Variants in BCKDHB observed in about 807,000 individuals in gnomAD.
BCKDHB encodes the protein branched chain keto acid dehydrogenase E1 subunit beta.
A neutral mutation model predicts 48.5 loss-of-function variants in BCKDHB; 41 were observed. The ratio of observed to expected loss-of-function variants is 0.85; its 90% CI spans 0.66 to 1.10. BCKDHB has a LOEUF of 1.10. BCKDHB is among the 50% of genes least tolerant of loss of function. The pLI is 0.00. For missense variants in BCKDHB, 496 were observed against 494.2 expected, an observed-to-expected ratio of 1.00 and a Z score of -0.03; for synonymous variants, 201 against 174.8, an observed-to-expected ratio of 1.15 and a Z score of -1.18.
chr6:80,232,543 T>C (rs1775971069), intron 8 of BCKDHB, among the ~76,000 whole-genome samples: 1 of 151,430 alleles, frequency 6.6e-6, no homozygotes, highest in East Asian at 1.9e-4. Context: ...TACATGTTTA[T>C]ATTCTCTCTA....
At chr6:80,383,135 C>A in the BCKDHB span, among the ~76,000 whole-genome samples, 44 of 152,126 alleles carry the variant, frequency 2.9e-4, no homozygotes, top group Admixed American at 2.9e-3. Context: ...AATGTAAAGG[C>A]AAGTTTTAGC....
At position 80,140,532 on chromosome 6, in the gene BCKDHB, A is replaced by G. The variant is rs952482712; in HGVS notation, c.343+11303A>G. ...GCATGAAGGGTTGTTGAATTTTGTCAAAGGCCTTTTCTGCATCTATTGAGA... is the reference window on the plus strand; with the variant it reads ...GCATGAAGGGTTGTTGAATTTTGTCGAAGGCCTTTTCTGCATCTATTGAGA... On this transcript the variant is annotated intron_variant, in intron 3 of 9. Coordinates refer to ENST00000320393, the MANE Select transcript of BCKDHB (RefSeq NM_183050.4). 9.9e-5 allele frequency among the ~76,000 whole-genome samples: 15 copies of G among 152,210 alleles called. No homozygotes were observed. In the East Asian group the frequency reaches 2.1e-3, roughly 22 times the overall value.
chr6:80,266,121 C>G (rs537020993), intron 8 of BCKDHB, among the ~76,000 whole-genome samples: 1 of 152,154 alleles, frequency 6.6e-6, no homozygotes, highest in African/African-American at 2.4e-5. Context: ...TTGTAGTAGA[C>G]CTTTTCAACA....
chr6:80,383,048 G>T, the BCKDHB span, among the ~76,000 whole-genome samples: 51 of 152,194 alleles, frequency 3.4e-4, no homozygotes, highest in African/African-American at 1.2e-3. Flanking sequence ...CTTTGGCTCT[G>T]TTCCACATGT....
At chr6:80,398,879 T>C in the BCKDHB span, among the ~76,000 whole-genome samples, 6 of 152,086 alleles carry the variant, frequency 3.9e-5, no homozygotes, top group African/African-American at 1.2e-4. Flanking sequence ...CAGTAGCACA[T>C]CCAAAAGCTT....
chr6:80,149,247 A>G (rs1004589172), intron 3 of BCKDHB, among the ~76,000 whole-genome samples: 31 of 152,236 alleles, frequency 2.0e-4, no homozygotes, highest in Non-Finnish European at 4.1e-4. Context: ...CATCAGAGGA[A>G]TGCAAATCAA....
chr6:80,459,432 A>G, the BCKDHB span, among the ~76,000 whole-genome samples: 8 of 152,156 alleles, frequency 5.3e-5, no homozygotes, highest in Non-Finnish European at 1.0e-4. Flanking sequence ...AAAATAGTCA[A>G]ATCCATAGAA....
chr6:80,390,004 G>A, the BCKDHB span, among the ~76,000 whole-genome samples: 2 of 152,150 alleles, frequency 1.3e-5, no homozygotes, highest in African/African-American at 2.4e-5. Flanking sequence ...ACCACCAGGA[G>A]ACACAACAAT....
At chr6:80,369,419 TCAATAA>T in the BCKDHB span, among the ~76,000 whole-genome samples, 3 of 152,236 alleles carry the variant, frequency 2.0e-5, no homozygotes, top group East Asian at 5.8e-4. Context: ...AAAAACAACA[TCAATAA>T]CAAAAAAGAA....
chr6:80,255,560 C>T (rs1487252211), intron 8 of BCKDHB, among the ~76,000 whole-genome samples: 1 of 152,154 alleles, frequency 6.6e-6, no homozygotes, highest in Non-Finnish European at 1.5e-5. Context: ...AAGGAACCTG[C>T]TCTTACCGAA....
In BCKDHB at chr6:80,146,196, C is replaced by T. The variant is rs563060228; in HGVS notation, c.343+16967C>T. 3.9e-5 allele frequency among the ~76,000 whole-genome samples: 6 copies of T among 152,218 alleles called. No individual in the cohort carries two copies. In the South Asian group the frequency reaches 1.2e-3, roughly 32 times the overall value. On this transcript the variant is annotated intron_variant, in intron 3 of 9. Transcript: ENST00000320393. ...AATGTGCGGCCAAGTTTGAGAACTACTGCTCTGGAAGGTACTAAAATTTTA... is the reference window on the plus strand; with the variant it reads ...AATGTGCGGCCAAGTTTGAGAACTATTGCTCTGGAAGGTACTAAAATTTTA...
At chr6:80,354,688 A>G in the BCKDHB span, among the ~76,000 whole-genome samples, 1 of 152,300 alleles carries the variant, frequency 6.6e-6, no homozygotes, top group East Asian at 1.9e-4. Context: ...TGATTTTTGT[A>G]TACAGTGATA....
At chr6:80,442,992 A>G in the BCKDHB span, among the ~76,000 whole-genome samples, 1 of 152,312 alleles carries the variant, frequency 6.6e-6, no homozygotes, top group South Asian at 2.1e-4. Context: ...TGGGCAGTGG[A>G]TGACAGAGAT....
chr6:80,154,900 G>A (rs996330002), intron 3 of BCKDHB, among the ~76,000 whole-genome samples: 2 of 152,038 alleles, frequency 1.3e-5, no homozygotes, highest in African/African-American at 4.8e-5. Flanking sequence ...TGTAAAAACA[G>A]CTTGGCACCT....
chr6:80,371,437 G>A, the BCKDHB span, among the ~76,000 whole-genome samples: 1 of 152,080 alleles, frequency 6.6e-6, no homozygotes, highest in African/African-American at 2.4e-5. Context: ...TCTGTGGGTG[G>A]TCTGTTTACT....
intron 9 of BCKDHB, among the ~76,000 whole-genome samples, chr6:80,340,522 A>G (rs1769833870): frequency 1.3e-5 from 2 of 151,778 alleles, no homozygotes; most frequent in South Asian, 4.1e-4. Context: ...TGCATAATAC[A>G]TGTAAGTCTC....
chr6:80,465,160 G>A, the BCKDHB span, among the ~76,000 whole-genome samples: 1 of 152,206 alleles, frequency 6.6e-6, no homozygotes, highest in Non-Finnish European at 1.5e-5. Flanking sequence ...TTCCCCAAAT[G>A]TAGAAGAGAT....
chr6:80,414,597 C>G, the BCKDHB span, among the ~76,000 whole-genome samples: 1 of 152,104 alleles, frequency 6.6e-6, no homozygotes, highest in Non-Finnish European at 1.5e-5. Flanking sequence ...TCTGGGTTCT[C>G]TATTCTGTTC....
At chr6:80,459,938 C>T in the BCKDHB span, among the ~76,000 whole-genome samples, 3 of 152,048 alleles carry the variant, frequency 2.0e-5, no homozygotes, top group Admixed American at 6.6e-5. Context: ...AGATAAAGAT[C>T]ATCTACTGTC....
Sources: allele counts gnomAD v4.1 joint callset (sites outside exome capture counted in the v4.1 genomes callset), GRCh38; gene constraint gnomAD v4.1.1; transcripts MANE v1.5; gene names NCBI Gene and HGNC (gene_info 2026-07-23, HGNC 2026-07-21).